The following CFAP44 variants were observed in gnomAD, a reference collection of about 807,000 sequenced individuals.
CFAP44 encodes the protein cilia and flagella associated protein 44.
In CFAP44, 134 loss-of-function variants were observed where a neutral mutation model predicts 216.2. That is an observed-to-expected ratio of 0.62 (90% confidence interval 0.54 to 0.72). The LOEUF (loss-of-function observed/expected upper bound fraction) is 0.72, where lower values mean the gene tolerates loss of function less well. Among genes scored for constraint, CFAP44 ranks in the 30% least tolerant of loss-of-function variants. The pLI is 0.00. For missense variants in CFAP44, 2,035 were observed against 2,182.1 expected (o/e 0.93, Z 1.34); for synonymous variants, 700 against 727.6 (o/e 0.96, Z 0.61).
At chr3:113,319,679 C>T (rs1172320551) in intron 28 of CFAP44, among the ~76,000 whole-genome samples, 1 of 152,030 alleles carries the variant, frequency 6.6e-6, no homozygotes, top group Non-Finnish European at 1.5e-5. Flanking sequence ...TGACCACATG[C>T]TTGGTCATAA....
At chr3:113,291,876 T>G in intron 34 of CFAP44, 128 bp from the exon 35 acceptor site, 3 of 1,023,760 alleles carry the variant, frequency 2.9e-6, no homozygotes, top group Non-Finnish European at 1.4e-6. Flanking sequence ...TTCCTTAATC[T>G]CGGGAGCCTT....
At chr3:113,344,173 C>A (rs1243006792) in intron 23 of CFAP44, among the ~76,000 whole-genome samples, 1 of 151,966 alleles carries the variant, frequency 6.6e-6, no homozygotes, top group Non-Finnish European at 1.5e-5. Context: ...CTGGGGAAAT[C>A]CTAGATTTAA....
At chr3:113,304,729 G>T (rs1055985101) in intron 31 of CFAP44, among the ~76,000 whole-genome samples, 1 of 152,140 alleles carries the variant, frequency 6.6e-6, no homozygotes, top group Non-Finnish European at 1.5e-5. Flanking sequence ...AGTGGCATGG[G>T]TATAAGAGCC....
At chr3:113,411,360 A>AT (rs1335806382) in intron 6 of CFAP44, among the ~76,000 whole-genome samples, 1 of 152,190 alleles carries the variant, frequency 6.6e-6, no homozygotes, top group African/African-American at 2.4e-5. Flanking sequence ...AGCTTTCTAC[A>AT]TATGGCTAGC....
At chr3:113,408,057 T>C (rs1287616140) in intron 7 of CFAP44, among the ~76,000 whole-genome samples, 5 of 152,172 alleles carry the variant, frequency 3.3e-5, no homozygotes, top group African/African-American at 1.2e-4. Context: ...TCCCCAAAGA[T>C]TACAATTAAA....
intron 22 of CFAP44, among the ~76,000 whole-genome samples, chr3:113,357,887 CA>C (rs1261844961): frequency 6.6e-6 from 1 of 152,052 alleles, no homozygotes; most frequent in East Asian, 1.9e-4. Flanking sequence ...AAAAAACGTA[CA>C]CAATGTTCAT....
In CFAP44 at chr3:113,426,139, T is replaced by C. The variant is rs1934953397; in HGVS notation, c.392A>G (p.Asp131Gly). Residue 131 changes from aspartate (D) to glycine (G), a missense_variant, in exon 4 of 35, where the codon GAT becomes GGT. Physicochemically the swap from Asp to Gly is moderately conservative, Grantham distance 94. Around this residue, in one of 3 missense-constraint regions of CFAP44, gnomAD observed 3 missense variants for 16.6 expected, o/e 0.18. Coordinates refer to ENST00000393845, the MANE Select transcript of CFAP44 (RefSeq NM_001164496.2). The stretch of plus-strand genomic sequence containing the variant: ...GGGTGGATACACAAGTGTGAGAAGA[T>C]CCAGTGGTATGTTTGAATCCAGAGT... Reference protein sequence around the residue: ...FVTLDSNIPLDLLTLVHSFGY... With the variant: ...FVTLDSNIPLGLLTLVHSFGY... 2 of 1,613,900 alleles carry C rather than the reference T, an allele frequency of 1.2e-6. No individual in the cohort carries two copies. Among genetic ancestry groups the C allele is most frequent in the Non-Finnish European group, 1.7e-6 (2 of 1,179,938 alleles).
At chr3:113,350,422 AAGAG>A (rs1318329414) in intron 22 of CFAP44, among the ~76,000 whole-genome samples, 5 of 152,230 alleles carry the variant, frequency 3.3e-5, no homozygotes, top group African/African-American at 1.2e-4. Flanking sequence ...GGGAGTCAGA[AAGAG>A]AGAAAGAGAC....
chr3:113,404,509 C>T (rs1934224666), intron 8 of CFAP44, among the ~76,000 whole-genome samples: 1 of 152,184 alleles, frequency 6.6e-6, no homozygotes, highest in African/African-American at 2.4e-5. Context: ...TTCCCAAGTG[C>T]ATGCCACCAA....
chr3:113,357,126 A>G (rs1467933101), intron 22 of CFAP44, among the ~76,000 whole-genome samples: 1 of 152,234 alleles, frequency 6.6e-6, no homozygotes, highest in Admixed American at 6.5e-5. Flanking sequence ...AAAGGGACTG[A>G]AAATCACTCA....
At chr3:113,413,251 T>C (rs919784644) in intron 6 of CFAP44, among the ~76,000 whole-genome samples, 4 of 152,214 alleles carry the variant, frequency 2.6e-5, no homozygotes, top group African/African-American at 7.2e-5. Context: ...TTAAGTTCCT[T>C]GTAAATTCTG....
chr3:113,400,032 T>A, intron 12 of CFAP44, 32 bp from the exon 13 acceptor site: 3 of 1,408,366 alleles, frequency 2.1e-6, no homozygotes, highest in Non-Finnish European at 2.9e-6. Flanking sequence ...AGAAAAAAAA[T>A]TATATACATA....
At chr3:113,440,622 T>C (rs1456587217) in intron 1 of CFAP44, among the ~76,000 whole-genome samples, 2 of 152,174 alleles carry the variant, frequency 1.3e-5, no homozygotes, top group African/African-American at 4.8e-5. Context: ...CCGTCATACT[T>C]TGTCTTCCCT....
rs533121313 is a variant in CFAP44 at position 113,382,640 on chromosome 3, T to A, written c.1891-1580A>T. Among the ~76,000 whole-genome samples the A allele has an allele frequency of 9.2e-5, 14 of 151,834 alleles. No individual in the cohort carries two copies. In the East Asian group the frequency reaches 2.7e-3, roughly 29 times the overall value. ...TTTCTATGACAGAAAAGAGAAATAA[T>A]GTAAAATATTGAAAAAAAACTGGGA... On this transcript the variant is annotated intron_variant, in intron 15 of 34. Transcript: ENST00000393845.
intron 4 of CFAP44, among the ~76,000 whole-genome samples, chr3:113,422,727 T>C (rs1934850474): frequency 6.6e-6 from 1 of 152,186 alleles, no homozygotes; most frequent in South Asian, 2.1e-4. Flanking sequence ...GGTGGCAATA[T>C]GATACCTCAG....
At chr3:113,427,911 G>A (rs1271696973) in intron 2 of CFAP44, among the ~76,000 whole-genome samples, 1 of 152,074 alleles carries the variant, frequency 6.6e-6, no homozygotes, top group Non-Finnish European at 1.5e-5. Flanking sequence ...AGAGCTAGGT[G>A]AACTTTCAGA....
chr3:113,408,346 A>T (rs1934347415), intron 7 of CFAP44, among the ~76,000 whole-genome samples: 1 of 152,218 alleles, frequency 6.6e-6, no homozygotes, highest in South Asian at 2.1e-4. Context: ...TAAGATCAAG[A>T]GTAGGTTCTG....
At chr3:113,312,580 T>C (rs1379693613) in intron 28 of CFAP44, among the ~76,000 whole-genome samples, 1 of 152,132 alleles carries the variant, frequency 6.6e-6, no homozygotes, top group Non-Finnish European at 1.5e-5. Context: ...GGGGAATATA[T>C]CTCCAGGGCA....
intron 15 of CFAP44, among the ~76,000 whole-genome samples, chr3:113,386,365 T>C (rs1367430940): frequency 6.6e-6 from 1 of 152,230 alleles, no homozygotes; most frequent in Non-Finnish European, 1.5e-5. Flanking sequence ...AAAATAATTA[T>C]TGATAGGGAA....
Sources: gnomAD v4.1 joint callset for allele counts (sites outside exome capture counted in the v4.1 genomes callset) on GRCh38, gnomAD v4.1.1 for gene constraint, gnomAD v4.1.1 regional missense constraint, MANE v1.5 for transcripts, NCBI Gene and HGNC (gene_info 2026-07-23, HGNC 2026-07-21) for gene names.